The following RCBTB1 variants were observed in gnomAD, a reference collection of about 807,000 sequenced individuals.
RCBTB1 encodes the protein RCC1 and BTB domain containing protein 1, also known as RCC1 and BTB domain-containing protein 1.
RCBTB1 carries 46 observed loss-of-function variants against 62.4 expected under a neutral mutation model. The observed-to-expected ratio is 0.74, with a 90% CI of 0.58 to 0.94. RCBTB1 has a LOEUF of 0.94. RCBTB1 is among the 40% of genes least tolerant of loss of function. The pLI is 0.00. For synonymous variants in RCBTB1, 222 were observed against 245.8 expected (o/e 0.90, Z 0.91); for missense variants, 565 against 654.9 (o/e 0.86, Z 1.50).
At chr13:49,546,068 C>T (rs1594264805) in intron 9 of RCBTB1, 1 of 985,112 alleles carries the variant, frequency 1.0e-6, no homozygotes, top group Non-Finnish European at 1.2e-6. Flanking sequence ...CAACCTGGAT[C>T]ACTGGTGGGT....
chr13:49,574,149 C>T (rs982413151), intron 2 of RCBTB1, among the ~76,000 whole-genome samples: 2 of 150,580 alleles, frequency 1.3e-5, no homozygotes, highest in African/African-American at 2.4e-5. Context: ...GACAGAGTCT[C>T]ACTCTGTTGC....
intron 2 of RCBTB1, among the ~76,000 whole-genome samples, chr13:49,567,651 C>CT (rs1234425507): frequency 1.3e-5 from 2 of 152,206 alleles, no homozygotes; most frequent in African/African-American, 4.8e-5. Context: ...AGACCAAGTT[C>CT]TGGCTCCAGC....
At chr13:49,582,261 T>TG (rs1168284294) in intron 1 of RCBTB1, among the ~76,000 whole-genome samples, 1 of 151,990 alleles carries the variant, frequency 6.6e-6, no homozygotes, top group African/African-American at 2.4e-5. Context: ...CCGAGGCAGG[T>TG]GGATCATCTG....
chr13:49,581,063 G>A (rs1478398586), intron 1 of RCBTB1, among the ~76,000 whole-genome samples: 1 of 152,156 alleles, frequency 6.6e-6, no homozygotes, highest in Non-Finnish European at 1.5e-5. Flanking sequence ...AAGAAAGTCA[G>A]CATGGCTGCA....
rs769794650 is a variant in RCBTB1 at position 49,555,651 on chromosome 13, T to A, written c.467A>T (p.Asn156Ile). ...AGAACCTGATCCCACTTGGCCACAGTTGTTATAACCCCAAGCAAACACCTA... is the reference window on the plus strand; with the variant it reads ...AGAACCTGATCCCACTTGGCCACAGATGTTATAACCCCAAGCAAACACCTA... ...DGEVFAWGYN[N>I]CGQVGSGSTA... Residue 156 changes from asparagine (N) to isoleucine (I), a missense_variant, in exon 6 of 13, where the codon AAC becomes ATC. Coordinates refer to ENST00000378302, the MANE Select transcript of RCBTB1 (RefSeq NM_018191.4). The A allele has an allele frequency of 1.2e-6, 2 of 1,605,978 alleles. No individual in the cohort carries two copies. The highest frequency in any genetic ancestry group is 1.7e-6 in the Non-Finnish European group (2 of 1,175,960).
At chr13:49,541,149 C>G in intron 11 of RCBTB1, 143 bp from the exon 12 acceptor site, 1 of 659,714 alleles carries the variant, frequency 1.5e-6, no homozygotes, top group African/African-American at 1.9e-5. Context: ...AATAAATTCT[C>G]TTTTTTACTG....
intron 8 of RCBTB1, chr13:49,550,461 A>G: frequency 1.0e-6 from 1 of 979,886 alleles, no homozygotes; most frequent in Non-Finnish European, 1.2e-6. Context: ...ATCAGAAGTC[A>G]GCACTCCAGG....
intron 1 of RCBTB1, among the ~76,000 whole-genome samples, chr13:49,584,837 G>A (rs1964303817): frequency 6.6e-6 from 1 of 152,188 alleles, no homozygotes; most frequent in Admixed American, 6.5e-5. Context: ...GCAGAACACA[G>A]CGTGCTCGAT....
intron 8 of RCBTB1, chr13:49,549,987 TTTC>T: frequency 1.2e-6 from 1 of 841,978 alleles, no homozygotes; most frequent in Non-Finnish European, 1.4e-6. Flanking sequence ...TTAAATACCA[TTTC>T]TTTTTTTTTT....
intron 2 of RCBTB1, among the ~76,000 whole-genome samples, chr13:49,575,434 C>CG (rs770755212): frequency 7.1e-6 from 1 of 141,338 alleles, no homozygotes; most frequent in Non-Finnish European, 1.6e-5. Context: ...ATTGTTCTAC[C>CG]AAAAAAAAAA....
At chr13:49,538,890 T>C (rs73190743) in intron 12 of RCBTB1, among the ~76,000 whole-genome samples, 299 of 27,194 alleles carry the variant, frequency 0.011, 5 homozygotes, top group Non-Finnish European at 0.022. Context: ...TTTTTTAACT[T>C]TTTTTTTTTT....
At position 49,534,272 on chromosome 13, in the gene RCBTB1, C is replaced by A; in HGVS notation, c.1456-10G>T. 1 of 1,601,632 alleles carries A rather than the reference C, an allele frequency of 6.2e-7. No individual in the cohort carries two copies. Among genetic ancestry groups the A allele is most frequent in the East Asian group, 2.2e-5 (1 of 44,616 alleles). ...AGAATTCTTCTAAATCCTGGACACA[C>A]AACAAAAATAAAAACAAAAATGGCT... On this transcript the variant is annotated splice_polypyrimidine_tract_variant and intron_variant, in intron 12 of 12. Coordinates refer to ENST00000378302, the MANE Select transcript of RCBTB1 (RefSeq NM_018191.4).
At position 49,549,534 on chromosome 13, in the gene RCBTB1, G is replaced by T; in HGVS notation, c.969C>A (p.Leu323=). The stretch of plus-strand genomic sequence containing the variant: ...CGTCGTCGGTGCAGGAGAAGTGGGT[G>T]AGGTGCGGGAGGATCACGGACTGAC... ...CRGQSVILPH[L]THFSCTDDVF... is the part of the protein sequence containing the mutation. Residue 323 remains leucine (L), a synonymous_variant, in exon 9 of 13, where the codon CTC becomes CTA. Coordinates refer to ENST00000378302, the MANE Select transcript of RCBTB1 (RefSeq NM_018191.4). 6.2e-7 allele frequency: 1 copy of T among 1,614,082 alleles called. No homozygotes were observed. The highest frequency in any genetic ancestry group is 8.5e-7 in the Non-Finnish European group (1 of 1,179,976).
At chr13:49,575,801 C>G (rs1394051283) in intron 2 of RCBTB1, among the ~76,000 whole-genome samples, 1 of 152,122 alleles carries the variant, frequency 6.6e-6, no homozygotes, top group African/African-American at 2.4e-5. Flanking sequence ...TGCTCACTAC[C>G]TGGGTGACGG....
chr13:49,540,853 T>G, intron 12 of RCBTB1, 23 bp downstream of exon 12: 1 of 1,608,552 alleles, frequency 6.2e-7, no homozygotes, highest in Non-Finnish European at 8.5e-7. Flanking sequence ...GGTGGTCTGG[T>G]TTCTGTTTGT....
At chr13:49,564,206 A>G (rs1962710536) in intron 4 of RCBTB1, among the ~76,000 whole-genome samples, 1 of 152,188 alleles carries the variant, frequency 6.6e-6, no homozygotes, top group Non-Finnish European at 1.5e-5. Context: ...TGGCAACTAC[A>G]TGAATGCCAG....
At chr13:49,570,785 A>G (rs1963344200) in intron 2 of RCBTB1, among the ~76,000 whole-genome samples, 1 of 152,238 alleles carries the variant, frequency 6.6e-6, no homozygotes, top group African/African-American at 2.4e-5. Context: ...TAGCTTCCAT[A>G]CATTATTTCA....
intron 9 of RCBTB1, chr13:49,546,924 A>T: frequency 1.0e-6 from 1 of 984,572 alleles, no homozygotes; most frequent in Non-Finnish European, 1.2e-6. Context: ...CTAGGAGGAT[A>T]TAGTCAATGA....
At chr13:49,549,736 G>T in intron 8 of RCBTB1, 88 bp from the exon 9 acceptor site, 1 of 1,498,586 alleles carries the variant, frequency 6.7e-7, no homozygotes, top group Non-Finnish European at 8.9e-7. Flanking sequence ...GTTCATGCTT[G>T]CAATACCTCA....
Sources: allele counts gnomAD v4.1 joint callset (sites outside exome capture counted in the v4.1 genomes callset), GRCh38; gene constraint gnomAD v4.1.1; transcripts MANE v1.5; gene names NCBI Gene and HGNC (gene_info 2026-07-23, HGNC 2026-07-21).